Variants in DMD observed in about 807,000 individuals in gnomAD.
The protein encoded by DMD is mutant dystrophin.
A neutral mutation model predicts 330.1 loss-of-function variants in DMD; 63 were observed. That is an observed-to-expected ratio of 0.19 (90% CI 0.16 to 0.24). DMD has a LOEUF of 0.24. Ranked by LOEUF, DMD falls within the 10% of genes least tolerant of loss-of-function variation. DMD has a pLI of 1.00. For missense variants in DMD, 3,344 were observed against 2,684.1 expected (o/e 1.25, Z -5.43); for synonymous variants, 1,223 against 959.8 (o/e 1.27, Z -5.07).
In DMD at chrX:32,782,358, A is replaced by T. The variant is rs1043635431; in HGVS notation, c.649+27135T>A. Reference sequence around the variant, plus strand: ...AGTAACAGAGACACATGCTATTCTGAGAAGGGTTAAATCAACAAAGGACAT... The same window carrying T: ...AGTAACAGAGACACATGCTATTCTGTGAAGGGTTAAATCAACAAAGGACAT... On this transcript the variant is annotated intron_variant, in intron 7 of 78. Transcript: ENST00000357033. Among the ~76,000 whole-genome samples the T allele has an allele frequency of 1.5e-4, 17 of 112,018 alleles. No individual in the cohort carries two copies. In the Admixed American group the frequency reaches 1.5e-3, roughly 10 times the overall value.
At chrX:31,700,185 CA>C (rs61258230) in intron 52 of DMD, among the ~76,000 whole-genome samples, 7,031 of 81,216 alleles carry the variant, frequency 0.087, 183 homozygotes, top group Middle Eastern at 0.11. Flanking sequence ...GACTCTGTCT[CA>C]AAAAAAAAAA....
chrX:32,572,599 C>T (rs5928019), intron 15 of DMD, among the ~76,000 whole-genome samples: 7,777 of 106,211 alleles, frequency 0.073, 278 homozygotes, highest in South Asian at 0.11. Context: ...AAACCAAATG[C>T]TTCAATGAAG....
intron 1 of DMD, among the ~76,000 whole-genome samples, chrX:33,323,384 A>C (rs2054043357): frequency 9.0e-6 from 1 of 111,671 alleles, no homozygotes; most frequent in African/African-American, 3.2e-5. Context: ...ATGAGTAGGT[A>C]AAGACAATTA....
At chrX:32,616,025 G>A (rs1360229186) in intron 11 of DMD, among the ~76,000 whole-genome samples, 1 of 110,808 alleles carries the variant, frequency 9.0e-6, no homozygotes, top group Non-Finnish European at 1.9e-5. Flanking sequence ...AAAAGTGCTG[G>A]CCAGGCTGGT....
rs149776669 is a variant in DMD, at chrX:31,478,277, G to A, written c.8766C>T (p.Ser2922=). Residue 2922 remains serine, a synonymous_variant, in exon 59 of 79, where the codon TCC becomes TCT. Transcript: ENST00000357033. ...CATCTATTTTTCTCTGCCAGTCAGCGGAGTGCAGGTTCAATTTTTCCCACT... is the reference window on the plus strand; with the variant it reads ...CATCTATTTTTCTCTGCCAGTCAGCAGAGTGCAGGTTCAATTTTTCCCACT... ...NTEWEKLNLH[S]ADWQRKIDET... is the part of the protein sequence containing the mutation. 20 of 1,209,266 alleles carry A rather than the reference G, an allele frequency of 1.7e-5. No individual in the cohort carries two copies. The African/African-American group carries it at 1.8e-4, about 11-fold the overall frequency.
intron 63 of DMD, among the ~76,000 whole-genome samples, chrX:31,236,333 CA>C (rs911393650): frequency 1.8e-5 from 2 of 112,387 alleles, no homozygotes; most frequent in African/African-American, 6.5e-5. Context: ...TAACTGCAAC[CA>C]AAAGTCATCT....
At chrX:32,807,924 G>T (rs780659449) in intron 7 of DMD, among the ~76,000 whole-genome samples, 1 of 111,663 alleles carries the variant, frequency 9.0e-6, no homozygotes, top group Non-Finnish European at 1.9e-5. Flanking sequence ...CCAATAATGG[G>T]AACTGACCAT....
chrX:31,560,803 T>C (rs993522732), intron 55 of DMD, among the ~76,000 whole-genome samples: 2 of 112,317 alleles, frequency 1.8e-5, no homozygotes, highest in African/African-American at 3.2e-5. Context: ...ATGATTTTCT[T>C]AGTAACATCG....
At chrX:32,870,097 T>C (rs1282974115) in intron 2 of DMD, among the ~76,000 whole-genome samples, 9 of 111,595 alleles carry the variant, frequency 8.1e-5, no homozygotes, top group Non-Finnish European at 1.5e-4. Context: ...TTCAGCAAAG[T>C]CTCAGGATAC....
chrX:32,631,216 C>A lies in DMD; in HGVS notation c.1331+12916G>T, dbSNP rs184850122. Among the ~76,000 whole-genome samples, 985 of 111,346 alleles carry A rather than the reference C, an allele frequency of 8.8e-3. 11 individuals carry two copies. Among genetic ancestry groups the A allele is most frequent in the African/African-American group, 0.031 (948 of 30,578 alleles). On this transcript the variant is annotated intron_variant, in intron 11 of 78. Transcript: ENST00000357033. ...TCTCTCTGTGATGAGCTGCCTGGAG[C>A]TAAAGGAGAGGTGACACAAGCACCC...
chrX:31,702,159 G>A (rs758182947), intron 52 of DMD, among the ~76,000 whole-genome samples: 3 of 111,584 alleles, frequency 2.7e-5, no homozygotes, highest in African/African-American at 9.8e-5. Context: ...CACTCTCTTA[G>A]GCCCATTCCT....
chrX:31,269,412 G>T (rs1269407133), intron 62 of DMD, among the ~76,000 whole-genome samples: 1 of 111,085 alleles, frequency 9.0e-6, no homozygotes, highest in Non-Finnish European at 1.9e-5. Flanking sequence ...CTGAAGCTCT[G>T]CTACCAGAAC....
At chrX:32,800,445 T>C (rs1479522184) in intron 7 of DMD, among the ~76,000 whole-genome samples, 2 of 111,991 alleles carry the variant, frequency 1.8e-5, no homozygotes, top group Non-Finnish European at 3.8e-5. Flanking sequence ...AGCAAAAATG[T>C]ATAAATGTGT....
intron 37 of DMD, among the ~76,000 whole-genome samples, chrX:32,361,120 A>T (rs1473495858): frequency 9.0e-6 from 1 of 111,240 alleles, no homozygotes. Flanking sequence ...TCTATAGCTT[A>T]GTGATTTATT....
chrX:32,275,591 A>T (rs1264197352), intron 43 of DMD, among the ~76,000 whole-genome samples: 1 of 112,082 alleles, frequency 8.9e-6, no homozygotes, highest in Admixed American at 9.5e-5. Flanking sequence ...GTTTAGGTGA[A>T]CTGGTAAGTG....
intron 2 of DMD, among the ~76,000 whole-genome samples, chrX:32,912,542 T>C (rs1601877448): frequency 9.0e-6 from 1 of 111,700 alleles, no homozygotes; most frequent in East Asian, 2.8e-4. Flanking sequence ...TCAACAGTAG[T>C]ATGCATAAAT....
At chrX:31,902,768 G>A (rs1259127163) in intron 47 of DMD, among the ~76,000 whole-genome samples, 1 of 111,685 alleles carries the variant, frequency 9.0e-6, no homozygotes, top group African/African-American at 3.2e-5. Context: ...AATCCTAGTT[G>A]TGGATTTATA....
At position 31,270,266 on chromosome X, in the gene DMD, G is replaced by C. The variant is rs745406028; in HGVS notation, c.9225-9250C>G. Among the ~76,000 whole-genome samples, 4 of 107,015 alleles carry C rather than the reference G, an allele frequency of 3.7e-5. No individual in the cohort carries two copies. In the South Asian group the frequency reaches 1.7e-3, roughly 45 times the overall value. The allele number at this position is 107,015 out of a possible 115,157, so 92.9% of individuals were successfully genotyped here. ...TATACTCTCTTCAAGTGTTCCGTTT[G>C]AATGTACCATCTGTTTCTCCCAGGA... is the stretch of plus-strand genomic sequence containing the variant. On this transcript the variant is annotated intron_variant, in intron 62 of 78. Coordinates refer to ENST00000357033, the MANE Select transcript of DMD (RefSeq NM_004006.3).
At chrX:31,255,770 T>TG (rs1733079460) in intron 63 of DMD, among the ~76,000 whole-genome samples, 1 of 16,066 alleles carries the variant, frequency 6.2e-5, no homozygotes, top group Non-Finnish European at 1.1e-4. Flanking sequence ...ATATCGTTAC[T>TG]TTTTTTTTTT....
Sources: allele counts gnomAD v4.1 joint callset (sites outside exome capture counted in the v4.1 genomes callset), GRCh38; gene constraint gnomAD v4.1.1; transcripts MANE v1.5; gene names NCBI Gene and HGNC (gene_info 2026-07-23, HGNC 2026-07-21).